PLCE1: variants seen among roughly 807,000 people sequenced by gnomAD.
PLCE1 encodes the protein phospholipase C epsilon 1.
In PLCE1, 119 loss-of-function variants were observed where a neutral mutation model predicts 242.8. That is an observed-to-expected ratio of 0.49 (90% CI 0.42 to 0.57). The LOEUF (loss-of-function observed/expected upper bound fraction) is 0.57. PLCE1 is among the 20% of genes least tolerant of loss of function. The pLI, the probability that PLCE1 is intolerant of heterozygous loss-of-function variation, is 0.00. For missense variants in PLCE1, 2,441 were observed against 2,788.8 expected, an observed-to-expected ratio of 0.88 and a Z score of 2.81; for synonymous variants, 945 against 1,017.4, an observed-to-expected ratio of 0.93 and a Z score of 1.35.
chr10:94,007,699 CTTTTTTTTT>C (rs80098906), intron 1 of PLCE1, among the ~76,000 whole-genome samples: 1 of 64,142 alleles, frequency 1.6e-5, no homozygotes, highest in African/African-American at 6.0e-5. Context: ...AGCCTACTTT[CTTTTTTTTT>C]TTTTTTTTTT....
Position 94,304,631 on chromosome 10 carries a change from G to A in PLCE1, c.5608G>A (p.Val1870Ile), listed in dbSNP as rs1246436636. Residue 1870 changes from valine to isoleucine, a missense_variant, in exon 25 of 33, where the codon GTC becomes ATC. Around this residue, in one of 5 missense-constraint regions of PLCE1, gnomAD observed 1,004 missense variants for 1,322.7 expected, o/e 0.76. Transcript: ENST00000371380. Reference sequence around the variant, plus strand: ...AGATCTGGACAGCATGGATCCTGCAGTCTATTCTTTAACTGTAAGTACGGC... The same window carrying A: ...AGATCTGGACAGCATGGATCCTGCAATCTATTCTTTAACTGTAAGTACGGC... ...ERDLDSMDPA[V>I]YSLTIVSGQN... 1.9e-6 allele frequency: 3 copies of A among 1,614,050 alleles called. No individual in the cohort carries two copies. Among genetic ancestry groups the A allele is most frequent in the Admixed American group, 1.7e-5 (1 of 60,014 alleles).
intron 4 of PLCE1, among the ~76,000 whole-genome samples, chr10:94,185,938 G>C (rs2048463836): frequency 6.6e-6 from 1 of 152,180 alleles, no homozygotes; most frequent in African/African-American, 2.4e-5. Context: ...GCAGCTTCTT[G>C]CCCAGCTTTT....
At chr10:94,103,129 C>G (rs1460408466) in intron 2 of PLCE1, among the ~76,000 whole-genome samples, 1 of 152,172 alleles carries the variant, frequency 6.6e-6, no homozygotes, top group Admixed American at 6.5e-5. Flanking sequence ...TACTATGAAT[C>G]TACTGTTTAT....
At chr10:94,114,254 C>T (rs1271513792) in intron 2 of PLCE1, among the ~76,000 whole-genome samples, 1 of 152,182 alleles carries the variant, frequency 6.6e-6, no homozygotes, top group Non-Finnish European at 1.5e-5. Context: ...CCCCTGACCT[C>T]CTCACTTCCC....
intron 27 of PLCE1, among the ~76,000 whole-genome samples, chr10:94,309,563 C>T (rs892209612): frequency 3.2e-4 from 49 of 152,130 alleles, no homozygotes; most frequent in South Asian, 2.1e-4. Flanking sequence ...TGGACTCAAG[C>T]GATCCTCATG....
At chr10:94,135,519 A>G (rs2046743429) in intron 3 of PLCE1, among the ~76,000 whole-genome samples, 1 of 152,212 alleles carries the variant, frequency 6.6e-6, no homozygotes, top group Admixed American at 6.5e-5. Flanking sequence ...TCTTCAGTTT[A>G]TAAATGGGTT....
At chr10:94,185,135 T>C (rs1431705455) in intron 4 of PLCE1, among the ~76,000 whole-genome samples, 2 of 152,126 alleles carry the variant, frequency 1.3e-5, no homozygotes, top group Non-Finnish European at 2.9e-5. Context: ...GCATGAACTA[T>C]TGTGTAAGAG....
intron 1 of PLCE1, among the ~76,000 whole-genome samples, chr10:94,005,266 C>CTTGGGAGGATGCCCAGGACA (rs2061011284): frequency 6.6e-6 from 1 of 152,194 alleles, no homozygotes; most frequent in Non-Finnish European, 1.5e-5. Flanking sequence ...TCAGCAAAAA[C>CTTGGGAGGATGCCCAGGACA]TTGGGAGGAT....
chr10:94,012,806 C>G (rs1300397082), intron 1 of PLCE1, among the ~76,000 whole-genome samples: 1 of 152,134 alleles, frequency 6.6e-6, no homozygotes, highest in Non-Finnish European at 1.5e-5. Context: ...TCTGTGTAGT[C>G]TTTCTATTCT....
intron 4 of PLCE1, among the ~76,000 whole-genome samples, chr10:94,183,565 C>T (rs1290800471): frequency 6.6e-6 from 1 of 152,178 alleles, no homozygotes; most frequent in African/African-American, 2.4e-5. Context: ...GGCCATCAAC[C>T]AGAGTTTGAT....
chr10:94,118,908 T>A (rs146178271), intron 2 of PLCE1, among the ~76,000 whole-genome samples: 5 of 152,306 alleles, frequency 3.3e-5, no homozygotes, highest in Admixed American at 1.3e-4. Flanking sequence ...CCCGTCCATT[T>A]TTTTGTAGTT....
chr10:94,109,911 A>G (rs1385601981), intron 2 of PLCE1, among the ~76,000 whole-genome samples: 10 of 150,402 alleles, frequency 6.6e-5, no homozygotes, highest in African/African-American at 2.4e-4. Context: ...TTGAAGTTGC[A>G]GATTTGTTGT....
chr10:94,079,770 G>A (rs1480239740), intron 2 of PLCE1, among the ~76,000 whole-genome samples: 3 of 152,186 alleles, frequency 2.0e-5, no homozygotes. Context: ...TAGAGTCCAG[G>A]AAGGATGCTT....
In PLCE1 at chr10:94,110,399, C is replaced by T. The variant is rs189490070; in HGVS notation, c.1207-21775C>T. 7.2e-5 allele frequency among the ~76,000 whole-genome samples: 11 copies of T among 152,194 alleles called. No individual in the cohort carries two copies. In the East Asian group the frequency reaches 2.1e-3, roughly 29 times the overall value. ...TTTCTAAGGGTTGTCAAGGAAATAA[C>T]CTCATGTGCAGAAAAAGTTTTATGC... On this transcript the variant is annotated intron_variant, in intron 2 of 32. Transcript: ENST00000371380.
intron 27 of PLCE1, 139 bp downstream of exon 27, chr10:94,308,838 T>C (rs1245339983): frequency 2.6e-6 from 2 of 758,364 alleles, no homozygotes; most frequent in African/African-American, 3.4e-5. Flanking sequence ...TGGCTGACAC[T>C]TGGCACTGAC....
chr10:94,019,861 T>C (rs987739450), intron 1 of PLCE1, among the ~76,000 whole-genome samples: 1 of 152,204 alleles, frequency 6.6e-6, no homozygotes, highest in South Asian at 2.1e-4. Flanking sequence ...TTCCTTTTAT[T>C]GCTGAGTAGA....
At chr10:94,039,029 C>T (rs1000010861) in intron 2 of PLCE1, among the ~76,000 whole-genome samples, 1 of 152,158 alleles carries the variant, frequency 6.6e-6, no homozygotes. Flanking sequence ...ATAATCTTTT[C>T]AAGGTTAAAT....
At position 94,329,481 on chromosome 10, in the gene PLCE1, G is replaced by GTGT. The variant is rs762293729; in HGVS notation, c.*1540_*1542dup. On this transcript the variant is annotated 3_prime_UTR_variant, in exon 33 of 33. Transcript: ENST00000371380. ...TTTCTTGCATATTCTAAAAACAGAAGTGTTAAAAATACACCACACAGGCTG... is the reference window on the plus strand; with the variant it reads ...TTTCTTGCATATTCTAAAAACAGAAGTGTTGTTAAAAATACACCACACAGGCTG... 1.3e-5 allele frequency: 2 copies of GTGT among 152,106 alleles called. No homozygotes were observed. Among genetic ancestry groups the GTGT allele is most frequent in the African/African-American group, 2.4e-5 (1 of 41,436 alleles). 9.4% of individuals were successfully genotyped at this position (152,106 alleles called of 1,614,324 possible).
At chr10:94,198,440 T>C (rs1028411317) in intron 4 of PLCE1, among the ~76,000 whole-genome samples, 39 of 152,372 alleles carry the variant, frequency 2.6e-4, no homozygotes, top group African/African-American at 8.7e-4. Flanking sequence ...TTTCCTTTTT[T>C]AAATTGAACT....
Sources: allele counts gnomAD v4.1 joint callset (sites outside exome capture counted in the v4.1 genomes callset), GRCh38; gene constraint gnomAD v4.1.1; regional missense constraint gnomAD v4.1.1; transcripts MANE v1.5; gene names NCBI Gene and HGNC (gene_info 2026-07-23, HGNC 2026-07-21).